TTC39B: variants seen among roughly 807,000 people sequenced by gnomAD.
TTC39B encodes the protein tetratricopeptide repeat protein 39B.
In TTC39B, 92 loss-of-function variants were observed where a neutral mutation model predicts 96.6. The observed-to-expected ratio is 0.95, with a 90% CI of 0.80 to 1.13. The LOEUF (loss-of-function observed/expected upper bound fraction) is 1.13, where lower values mean the gene tolerates loss of function less well. Among genes scored for constraint, TTC39B ranks in the 50% most tolerant of loss-of-function variants. The pLI is 0.00. For missense variants in TTC39B, 955 were observed against 809.3 expected (o/e 1.18, Z -2.18); for synonymous variants, 367 against 299.4 (o/e 1.23, Z -2.33).
chr9:15,236,901 C>A (rs950535202), intron 2 of TTC39B, among the ~76,000 whole-genome samples: 9 of 152,098 alleles, frequency 5.9e-5, no homozygotes, highest in Admixed American at 5.9e-4. Context: ...AACAACCTAA[C>A]ATCACAACTC....
intron 3 of TTC39B, among the ~76,000 whole-genome samples, chr9:15,217,661 A>G (rs1432566463): frequency 6.6e-6 from 1 of 152,100 alleles, no homozygotes; most frequent in East Asian, 1.9e-4. Context: ...ATCACTTCAG[A>G]TCTGAATTCT....
intron 2 of TTC39B, among the ~76,000 whole-genome samples, chr9:15,261,905 G>C (rs75407954): frequency 0.016 from 2,449 of 152,162 alleles, 63 homozygotes; most frequent in African/African-American, 0.055. Flanking sequence ...TCCGTCATCA[G>C]AGCACTAGAA....
intron 2 of TTC39B, among the ~76,000 whole-genome samples, chr9:15,255,332 A>ACT (rs1300324896): frequency 1.3e-5 from 2 of 152,108 alleles, no homozygotes; most frequent in East Asian, 3.9e-4. Flanking sequence ...ACCAAATATC[A>ACT]CTATGCCTTT....
chr9:15,252,226 C>G (rs1374367847), intron 2 of TTC39B, among the ~76,000 whole-genome samples: 1 of 151,952 alleles, frequency 6.6e-6, no homozygotes, highest in East Asian at 1.9e-4. Context: ...TTCTTTTTTC[C>G]TTTCAAAATT....
chr9:15,292,284 T>A (rs1180160518), intron 1 of TTC39B, among the ~76,000 whole-genome samples: 1 of 152,126 alleles, frequency 6.6e-6, no homozygotes, highest in Non-Finnish European at 1.5e-5. Context: ...CCCATAAGAT[T>A]GGAGTGGAGC....
At chr9:15,168,725 T>A (rs1039912789) in exon 20 of TTC39B, 1 of 152,196 alleles carries the variant, frequency 6.6e-6, no homozygotes, top group South Asian at 2.1e-4. Context: ...GGCAGGAGAA[T>A]GGCGTGAACC....
intron 2 of TTC39B, among the ~76,000 whole-genome samples, chr9:15,227,539 A>C (rs569683504): frequency 1.3e-5 from 2 of 152,324 alleles, no homozygotes; most frequent in East Asian, 3.9e-4. Context: ...AAAACTCCAC[A>C]GGTAAGGGAA....
intron 13 of TTC39B, among the ~76,000 whole-genome samples, chr9:15,188,472 C>G (rs965642882): frequency 6.6e-6 from 1 of 152,066 alleles, no homozygotes; most frequent in African/African-American, 2.4e-5. Context: ...AGGCAACAGA[C>G]AGGAAGAAGA....
chr9:15,300,401 G>A (rs2131619444), intron 1 of TTC39B, among the ~76,000 whole-genome samples: 1 of 152,272 alleles, frequency 6.6e-6, no homozygotes, highest in South Asian at 2.1e-4. Flanking sequence ...CACGTTCTGA[G>A]AAATCCTTTA....
Position 15,269,414 on chromosome 9 carries a change from C to G in TTC39B, c.241-1466G>C, listed in dbSNP as rs142712231. Among the ~76,000 whole-genome samples the G allele has an allele frequency of 1.4e-4, 22 of 152,296 alleles. No individual in the cohort carries two copies. The East Asian group carries it at 4.0e-3, about 28-fold the overall frequency. On this transcript the variant is annotated intron_variant, in intron 1 of 19. Transcript: ENST00000512701. ...GAACCTGGACCGCCAAGGGACTTAC[C>G]GTATCACACCTCATTTAGAGTTATG... is the stretch of plus-strand genomic sequence containing the variant.
At chr9:15,172,408 A>G (rs1185246839) in intron 19 of TTC39B, among the ~76,000 whole-genome samples, 9 of 152,124 alleles carry the variant, frequency 5.9e-5, no homozygotes, top group African/African-American at 2.2e-4. Context: ...GGGCTGTACA[A>G]ATTTTGTGAA....
At chr9:15,178,041 T>G (rs1481094267) in intron 17 of TTC39B, among the ~76,000 whole-genome samples, 3 of 151,830 alleles carry the variant, frequency 2.0e-5, no homozygotes, top group African/African-American at 7.3e-5. Flanking sequence ...GGCTAATTTT[T>G]TGTATTTTTA....
At chr9:15,288,862 G>A (rs2131598384) in intron 1 of TTC39B, among the ~76,000 whole-genome samples, 1 of 152,318 alleles carries the variant, frequency 6.6e-6, no homozygotes, top group South Asian at 2.1e-4. Context: ...CACCCATAAG[G>A]GGTTTGAGCA....
chr9:15,287,745 G>C (rs1824025098), intron 1 of TTC39B, among the ~76,000 whole-genome samples: 1 of 152,042 alleles, frequency 6.6e-6, no homozygotes, highest in African/African-American at 2.4e-5. Flanking sequence ...AGGAGATTGA[G>C]ACCATCTTGG....
At chr9:15,265,603 A>G (rs115808381) in intron 2 of TTC39B, among the ~76,000 whole-genome samples, 1,808 of 152,324 alleles carry the variant, frequency 0.012, 47 homozygotes, top group African/African-American at 0.041. Flanking sequence ...TTTCTTAAAA[A>G]TCACATAAAC....
At chr9:15,177,775 T>G (rs1818022808) in exon 18 of TTC39B, 3 of 1,613,082 alleles carry the variant, frequency 1.9e-6, no homozygotes, top group Non-Finnish European at 2.5e-6. Flanking sequence ...TTTAAGTAAC[T>G]TCACTAAGCA....
chr9:15,191,308 A>T (rs1818845372), intron 9 of TTC39B, 53 bp from the exon 10 acceptor site: 1 of 1,232,128 alleles, frequency 8.1e-7, no homozygotes, highest in Non-Finnish European at 1.2e-6. Context: ...CTAACTGCAA[A>T]CAAATCTAAA....
intron 1 of TTC39B, among the ~76,000 whole-genome samples, chr9:15,270,972 C>A (rs1823329155): frequency 6.6e-6 from 1 of 152,182 alleles, no homozygotes; most frequent in African/African-American, 2.4e-5. Context: ...AAAGCTATTT[C>A]ATGTGTTCCT....
chr9:15,227,845 T>G (rs1586916696), intron 2 of TTC39B, among the ~76,000 whole-genome samples: 2 of 152,302 alleles, frequency 1.3e-5, no homozygotes, highest in South Asian at 4.1e-4. Flanking sequence ...ATATTGAAAT[T>G]TTTACTTAGT....
Sources: allele counts gnomAD v4.1 joint callset (sites outside exome capture counted in the v4.1 genomes callset), GRCh38; gene constraint gnomAD v4.1.1; transcripts MANE v1.5; gene names NCBI Gene and HGNC (gene_info 2026-07-23, HGNC 2026-07-21).